The following SFMBT1 variants were observed in gnomAD, a reference collection of about 807,000 sequenced individuals.
The protein encoded by SFMBT1 is Scm like with four mbt domains 1.
A neutral mutation model predicts 108.7 loss-of-function variants in SFMBT1; 32 were observed. The ratio of observed to expected loss-of-function variants is 0.29; its 90% CI spans 0.22 to 0.40. The LOEUF (loss-of-function observed/expected upper bound fraction) is 0.40, where lower values mean the gene tolerates loss of function less well. Among genes scored for constraint, SFMBT1 ranks in the 10% least tolerant of loss-of-function variants. The pLI is 1.00. For missense variants in SFMBT1, 816 were observed against 1,059.6 expected, an observed-to-expected ratio of 0.77 and a Z score of 3.19; for synonymous variants, 348 against 369.5, an observed-to-expected ratio of 0.94 and a Z score of 0.67.
At chr3:52,959,990 T>C (rs1229439656) in intron 2 of SFMBT1, among the ~76,000 whole-genome samples, 3 of 151,840 alleles carry the variant, frequency 2.0e-5, no homozygotes, top group Non-Finnish European at 4.4e-5. Flanking sequence ...GAGGTAAATA[T>C]AAGGATGTTC....
In SFMBT1 at chr3:52,913,598, A is replaced by G. The variant is rs917622662; in HGVS notation, c.1500T>C (p.Tyr500=). 57 of 1,613,748 alleles carry G rather than the reference A, an allele frequency of 3.5e-5. No individual in the cohort carries two copies. The highest frequency in any genetic ancestry group is 4.6e-5 in the Non-Finnish European group (54 of 1,179,964). ...STESVMINGK[Y]CCPKIYFNHR... is the part of the protein sequence containing the mutation. ...GGTTGAAGTATATCTTTGGACAGCAATATTTTCCATTAATCATAACTGGGA... is the reference window on the plus strand; with the variant it reads ...GGTTGAAGTATATCTTTGGACAGCAGTATTTTCCATTAATCATAACTGGGA... Residue 500 remains tyrosine (Y), a synonymous_variant, in exon 15 of 21, where the codon TAT becomes TAC. Transcript: ENST00000394752.
chr3:52,958,726 C>G (rs546162271), intron 2 of SFMBT1, among the ~76,000 whole-genome samples: 68 of 152,286 alleles, frequency 4.5e-4, no homozygotes, highest in African/African-American at 1.5e-3. Flanking sequence ...GCCAATTCCT[C>G]AAAGACCTGG....
chr3:52,951,175 C>CAAAA (rs773717441), intron 3 of SFMBT1, among the ~76,000 whole-genome samples: 3 of 97,338 alleles, frequency 3.1e-5, no homozygotes, highest in East Asian at 2.9e-4. Context: ...ATTCCTTCTC[C>CAAAA]AAAAAAAAAA....
intron 3 of SFMBT1, among the ~76,000 whole-genome samples, chr3:52,945,136 T>C (rs1248143217): frequency 2.1e-5 from 1 of 48,508 alleles, no homozygotes; most frequent in African/African-American, 6.6e-5. Flanking sequence ...ACCTTCCAAT[T>C]AAAAAAAAAA....
At chr3:52,931,135 T>C in intron 6 of SFMBT1, 100 bp from the exon 7 acceptor site, 1 of 1,084,104 alleles carries the variant, frequency 9.2e-7, no homozygotes, top group Non-Finnish European at 1.4e-6. Flanking sequence ...CACTTTCCAC[T>C]GGAACTAGAA....
chr3:52,938,414 G>A (rs757505701), intron 4 of SFMBT1, among the ~76,000 whole-genome samples: 6 of 151,652 alleles, frequency 4.0e-5, no homozygotes, highest in East Asian at 3.9e-4. Flanking sequence ...AGTCTCTTTC[G>A]TCATATAGAA....
rs1559514046 is a variant in SFMBT1 at position 52,928,637 on chromosome 3, C to CATATATACATATATATACAT, written c.898-297_898-296insATGTATATATATGTATATAT. 4.2e-3 allele frequency: 327 copies of CATATATACATATATATACAT among 78,336 alleles called. 7 individuals are homozygous for CATATATACATATATATACAT. Among genetic ancestry groups the CATATATACATATATATACAT allele is most frequent in the African/African-American group, 0.016 (314 of 19,664 alleles). The allele number at this position is 78,336 out of a possible 1,614,324, so 4.9% of individuals were successfully genotyped here. A position where few individuals can be genotyped will look rare whatever the true frequency, so the allele number is the denominator to read the frequency against. On this transcript the variant is annotated intron_variant, in intron 8 of 20. Transcript: ENST00000394752. Reference sequence around the variant, plus strand: ...ATATATACATATATACATATATATACATATATATATATATATACACATATA... The same window carrying CATATATACATATATATACAT: ...ATATATACATATATACATATATATACATATATACATATATATACATATATATATATATATATACACATATA...
intron 8 of SFMBT1, 134 bp from the exon 9 acceptor site, chr3:52,928,475 CTG>C: frequency 2.3e-6 from 2 of 862,540 alleles, no homozygotes; most frequent in Non-Finnish European, 3.5e-6. Context: ...AATGTTAGCT[CTG>C]TGTTATGTAA....
At chr3:52,970,343 C>A (rs1448721518) in intron 1 of SFMBT1, among the ~76,000 whole-genome samples, 1 of 152,152 alleles carries the variant, frequency 6.6e-6, no homozygotes, top group African/African-American at 2.4e-5. Flanking sequence ...TTGCCTTTCC[C>A]AAACATTTCA....
chr3:52,991,409 A>G, intron 1 of SFMBT1, among the ~76,000 whole-genome samples: 1 of 133,808 alleles, frequency 7.5e-6, no homozygotes, highest in East Asian at 2.4e-4. Context: ...CAGTGGCACA[A>G]TCTCAGCTCA....
chr3:52,995,577 AGAAGTGGTC>A (rs1020391646), intron 1 of SFMBT1, among the ~76,000 whole-genome samples: 4 of 149,768 alleles, frequency 2.7e-5, no homozygotes, highest in African/African-American at 9.7e-5. Context: ...TGTTTTGTAG[AGAAGTGGTC>A]GAAGTGGTCT....
chr3:52,933,886 G>T (rs1702930675), intron 5 of SFMBT1, among the ~76,000 whole-genome samples: 1 of 152,000 alleles, frequency 6.6e-6, no homozygotes, highest in Non-Finnish European at 1.5e-5. Context: ...AGATAATCTG[G>T]ATTATATCAA....
chr3:52,919,406 A>C (rs1702452571), intron 12 of SFMBT1, among the ~76,000 whole-genome samples: 1 of 152,198 alleles, frequency 6.6e-6, no homozygotes, highest in Admixed American at 6.5e-5. Flanking sequence ...CAGTACACTA[A>C]ATGAAAGAAG....
intron 1 of SFMBT1, among the ~76,000 whole-genome samples, 164 bp downstream of exon 1, chr3:53,045,652 G>A (rs995772931): frequency 8.6e-6 from 1 of 116,582 alleles, no homozygotes; most frequent in Non-Finnish European, 1.8e-5. Context: ...GCCGCCGCCC[G>A]TTGGCGCCTC....
intron 1 of SFMBT1, among the ~76,000 whole-genome samples, chr3:52,971,002 G>T (rs1431126088): frequency 1.3e-5 from 2 of 152,124 alleles, no homozygotes; most frequent in African/African-American, 4.8e-5. Flanking sequence ...GGGTGTGGTA[G>T]TGCATGCCTG....
At chr3:53,004,242 C>A (rs1239597262) in intron 1 of SFMBT1, among the ~76,000 whole-genome samples, 3 of 104,726 alleles carry the variant, frequency 2.9e-5, no homozygotes, top group African/African-American at 1.1e-4. Flanking sequence ...TCCTCCTTCC[C>A]TTCTTTCTTC....
chr3:52,925,087 G>C (rs570145374), intron 10 of SFMBT1, among the ~76,000 whole-genome samples: 1 of 152,178 alleles, frequency 6.6e-6, no homozygotes, highest in African/African-American at 2.4e-5. Context: ...CGAGTGTGCT[G>C]GTGGGCGCCT....
intron 1 of SFMBT1, among the ~76,000 whole-genome samples, chr3:53,030,072 G>A (rs1699630538): frequency 6.6e-6 from 1 of 151,906 alleles, no homozygotes; most frequent in South Asian, 2.1e-4. Context: ...CTATGGTACT[G>A]TTTGCAGCAG....
At chr3:52,994,487 G>C (rs1698244725) in intron 1 of SFMBT1, among the ~76,000 whole-genome samples, 1 of 150,172 alleles carries the variant, frequency 6.7e-6, no homozygotes, top group Non-Finnish European at 1.5e-5. Context: ...ACACCACAGA[G>C]AAGTTAGAGG....
Sources: allele counts gnomAD v4.1 joint callset (sites outside exome capture counted in the v4.1 genomes callset), GRCh38; gene constraint gnomAD v4.1.1; transcripts MANE v1.5; gene names NCBI Gene and HGNC (gene_info 2026-07-23, HGNC 2026-07-21).